TTC39A: variants seen among roughly 807,000 people sequenced by gnomAD.
TTC39A encodes the protein tetratricopeptide repeat domain 39A.
In TTC39A, 46 loss-of-function variants were observed where a neutral mutation model predicts 82.3. That is an observed-to-expected ratio of 0.56 (90% CI 0.44 to 0.71). The LOEUF is 0.71. TTC39A is among the 30% of genes least tolerant of loss of function. The pLI is 0.00. For synonymous variants in TTC39A, 254 were observed against 275.2 expected, an observed-to-expected ratio of 0.92 and a Z score of 0.76; for missense variants, 543 against 712.9, an observed-to-expected ratio of 0.76 and a Z score of 2.71.
intron 6 of TTC39A, among the ~76,000 whole-genome samples, chr1:51,306,754 T>A (rs1405830994): frequency 2.6e-5 from 4 of 152,056 alleles, no homozygotes; most frequent in African/African-American, 9.7e-5. Context: ...AGGCTTTCAA[T>A]TAGCAAGCTT....
chr1:51,310,648 G>C (rs1348433648), intron 5 of TTC39A, among the ~76,000 whole-genome samples: 7 of 152,136 alleles, frequency 4.6e-5, no homozygotes, highest in Non-Finnish European at 1.0e-4. Flanking sequence ...AGCATGCAGT[G>C]ATCGTTCTCA....
intron 6 of TTC39A, among the ~76,000 whole-genome samples, chr1:51,308,272 C>T (rs1644948147): frequency 6.6e-6 from 1 of 151,534 alleles, no homozygotes; most frequent in Non-Finnish European, 1.5e-5. Flanking sequence ...TGACGTCTCG[C>T]TCTGTCACCC....
chr1:51,329,152 G>A (rs897485145), intron 1 of TTC39A, among the ~76,000 whole-genome samples: 17 of 152,224 alleles, frequency 1.1e-4, no homozygotes, highest in African/African-American at 4.1e-4. Flanking sequence ...AGCATATAAG[G>A]AAGTGGGATG....
chr1:51,316,033 A>G (rs1208427529), intron 2 of TTC39A, among the ~76,000 whole-genome samples: 1 of 152,218 alleles, frequency 6.6e-6, no homozygotes, highest in Non-Finnish European at 1.5e-5. Context: ...GGAATGAGGC[A>G]GCCCTCCTGA....
Position 51,310,811 on chromosome 1 carries a change from T to C in TTC39A, c.423+443A>G, listed in dbSNP as rs1645054375. ...ACAGGCCTCTGAGGTGAAGATTAAA[T>C]AACAAATGTAAATGTTAGCAAAAAC... On this transcript the variant is annotated intron_variant, in intron 5 of 17. Coordinates refer to ENST00000680483, the MANE Select transcript of TTC39A (RefSeq NM_001297663.2). 2.0e-5 allele frequency among the ~76,000 whole-genome samples: 3 copies of C among 152,220 alleles called. No homozygotes were observed. In the South Asian group the frequency reaches 6.2e-4, roughly 32 times the overall value.
upstream of TTC39A, among the ~76,000 whole-genome samples, chr1:51,333,877 C>T (rs931172790): frequency 3.3e-5 from 5 of 152,196 alleles, no homozygotes; most frequent in Non-Finnish European, 5.9e-5. Flanking sequence ...TACAATTTCC[C>T]TCTGAGGTTA....
upstream of TTC39A, among the ~76,000 whole-genome samples, chr1:51,332,491 C>A (rs145914074): frequency 0.05 from 7,651 of 152,274 alleles, 612 homozygotes; most frequent in African/African-American, 0.17. Context: ...AAACTCTGGA[C>A]CTCAAGTGAT....
intron 2 of TTC39A, among the ~76,000 whole-genome samples, chr1:51,314,092 C>A (rs1645194289): frequency 6.6e-6 from 1 of 152,178 alleles, no homozygotes; most frequent in African/African-American, 2.4e-5. Flanking sequence ...CAGGGCTGAG[C>A]CAAGGTGGCC....
At chr1:51,328,743 A>T (rs1645803733) in intron 1 of TTC39A, among the ~76,000 whole-genome samples, 1 of 152,190 alleles carries the variant, frequency 6.6e-6, no homozygotes, top group Non-Finnish European at 1.5e-5. Context: ...AGGGTTTGTG[A>T]GTTCATTTTA....
chr1:51,344,285 A>G (rs1646071018), intron 1 of TTC39A, among the ~76,000 whole-genome samples: 1 of 152,090 alleles, frequency 6.6e-6, no homozygotes, highest in Admixed American at 6.6e-5. Context: ...AACTTTAAAG[A>G]TGTAAATATG....
chr1:51,340,683 T>C (rs1447144694), intron 1 of TTC39A, among the ~76,000 whole-genome samples: 1 of 152,192 alleles, frequency 6.6e-6, no homozygotes, highest in Non-Finnish European at 1.5e-5. Context: ...CCCTTCCTCT[T>C]ATAATCATCA....
chr1:51,342,947 C>T, intron 1 of TTC39A: 1 of 430,804 alleles, frequency 2.3e-6, no homozygotes, highest in Non-Finnish European at 4.8e-6. Flanking sequence ...CTCTCCTGGA[C>T]CACCACGCCA....
At chr1:51,311,406 A>C (rs1645077896) in intron 4 of TTC39A, 85 bp from the exon 5 acceptor site, 1 of 1,293,484 alleles carries the variant, frequency 7.7e-7, no homozygotes, top group South Asian at 1.3e-5. Flanking sequence ...CAACTTCCCC[A>C]AAAGCAAAGG....
chr1:51,334,840 G>C (rs41287304), upstream of TTC39A: 6,342 of 152,304 alleles, frequency 0.042, 199 homozygotes, highest in Non-Finnish European at 0.064. Context: ...AGTGATGCTA[G>C]AGCCAGTCAC....
At chr1:51,341,043 T>TA (rs1257678951) in intron 1 of TTC39A, among the ~76,000 whole-genome samples, 1 of 152,076 alleles carries the variant, frequency 6.6e-6, no homozygotes, top group Non-Finnish European at 1.5e-5. Flanking sequence ...TGGTGGCGCA[T>TA]GACTATAATC....
In TTC39A at chr1:51,302,381, T is replaced by C. The variant is rs1251838074; in HGVS notation, c.867A>G (p.Glu289=). Residue 289 remains glutamate, a synonymous_variant, in exon 11 of 18, where the codon GAA becomes GAG. Transcript: ENST00000680483. ...AIFLFFAGRI[E]VIKGNIDAAI... ...CTGCATCAATGTTGCCTTTAATGAC[T>C]TCAATCCTCCCTGCAAAGAACAGGA... The C allele has an allele frequency of 1.2e-6, 2 of 1,608,744 alleles. No individual in the cohort carries two copies. The highest frequency in any genetic ancestry group is 3.3e-4 in the Middle Eastern group (2 of 6,058).
chr1:51,327,433 G>A (rs182575974), intron 1 of TTC39A, among the ~76,000 whole-genome samples: 10 of 152,278 alleles, frequency 6.6e-5, no homozygotes, highest in Admixed American at 1.3e-4. Flanking sequence ...AATGTGTCAC[G>A]GAGTGATGTA....
intron 8 of TTC39A, among the ~76,000 whole-genome samples, 193 bp downstream of exon 8, chr1:51,304,888 G>A (rs564000388): frequency 1.3e-5 from 2 of 152,168 alleles, no homozygotes; most frequent in African/African-American, 2.4e-5. Context: ...GGCCAGGCAG[G>A]GATCACTAGC....
At chr1:51,334,892 G>GC (rs1645955629), upstream of TTC39A, 1 of 152,262 alleles carries the variant, frequency 6.6e-6, no homozygotes, top group African/African-American at 2.4e-5. Flanking sequence ...CCTCAGGAGG[G>GC]CCCCACCCAG....
Sources: allele counts gnomAD v4.1 joint callset (sites outside exome capture counted in the v4.1 genomes callset), GRCh38; gene constraint gnomAD v4.1.1; transcripts MANE v1.5; gene names NCBI Gene and HGNC (gene_info 2026-07-23, HGNC 2026-07-21).